Variants in CDH13 observed in about 807,000 individuals in gnomAD.
CDH13 encodes the protein cadherin 13.
CDH13 carries 24 observed loss-of-function variants against 63.8 expected under a neutral mutation model. The ratio of observed to expected loss-of-function variants is 0.38; its 90% CI spans 0.27 to 0.53. The LOEUF is 0.53. CDH13 is among the 20% of genes least tolerant of loss of function. CDH13 has a pLI of 0.85. For missense variants in CDH13, 1,049 were observed against 903.1 expected (o/e 1.16, Z -2.07); for synonymous variants, 503 against 355.3 (o/e 1.42, Z -4.67).
At chr16:83,653,797 T>C (rs577362419) in intron 8 of CDH13, among the ~76,000 whole-genome samples, 6 of 152,322 alleles carry the variant, frequency 3.9e-5, no homozygotes, top group South Asian at 2.1e-4. Flanking sequence ...CACTCCCACA[T>C]AGGGACAACA....
At chr16:82,703,854 G>A (rs998437544) in intron 1 of CDH13, among the ~76,000 whole-genome samples, 7 of 152,216 alleles carry the variant, frequency 4.6e-5, no homozygotes, top group East Asian at 3.9e-4. Context: ...TCAGAGCCCC[G>A]TCAGTGACAC....
intron 1 of CDH13, among the ~76,000 whole-genome samples, chr16:82,761,763 C>T (rs1178685038): frequency 3.3e-5 from 5 of 152,042 alleles, no homozygotes; most frequent in Non-Finnish European, 7.3e-5. Flanking sequence ...TTTTTGAGGG[C>T]TAAGAGTGAG....
At chr16:83,236,766 G>A (rs1396664673) in intron 5 of CDH13, among the ~76,000 whole-genome samples, 8 of 152,062 alleles carry the variant, frequency 5.3e-5, no homozygotes, top group African/African-American at 1.7e-4. Flanking sequence ...GCCATAAAAA[G>A]GAATAGAGTA....
At chr16:82,832,746 G>T (rs568143094) in intron 1 of CDH13, among the ~76,000 whole-genome samples, 1 of 152,256 alleles carries the variant, frequency 6.6e-6, no homozygotes, top group South Asian at 2.1e-4. Context: ...AGTCAGCCTG[G>T]TACAAATAAC....
At chr16:82,850,958 C>G (rs1017538810) in intron 1 of CDH13, among the ~76,000 whole-genome samples, 2 of 152,138 alleles carry the variant, frequency 1.3e-5, no homozygotes, top group Non-Finnish European at 2.9e-5. Context: ...CACTGGGAAG[C>G]CAAAAAGTTC....
At chr16:83,572,456 A>G (rs997115161) in intron 7 of CDH13, among the ~76,000 whole-genome samples, 30 of 152,058 alleles carry the variant, frequency 2.0e-4, no homozygotes, top group Admixed American at 1.5e-3. Flanking sequence ...TCCACTTTCT[A>G]AAACTCTCTT....
At chr16:83,283,417 C>A (rs921072313) in intron 5 of CDH13, among the ~76,000 whole-genome samples, 1 of 152,106 alleles carries the variant, frequency 6.6e-6, no homozygotes, top group Non-Finnish European at 1.5e-5. Context: ...ATGGTGAAAC[C>A]CTGTCTCTAC....
chr16:83,244,180 G>A (rs1455160033), intron 5 of CDH13, among the ~76,000 whole-genome samples: 1 of 151,908 alleles, frequency 6.6e-6, no homozygotes, highest in Non-Finnish European at 1.5e-5. Flanking sequence ...CTACAGCTCT[G>A]TTCTTTATTG....
intron 5 of CDH13, among the ~76,000 whole-genome samples, chr16:83,256,293 A>T (rs1355001344): frequency 6.6e-6 from 1 of 152,094 alleles, no homozygotes; most frequent in Non-Finnish European, 1.5e-5. Flanking sequence ...TCAGCCTCCC[A>T]AAGTGCTGGG....
chr16:82,748,302 T>C (rs772802425), intron 1 of CDH13, among the ~76,000 whole-genome samples: 23 of 152,208 alleles, frequency 1.5e-4, no homozygotes, highest in Non-Finnish European at 2.8e-4. Context: ...GAGGGCTTCA[T>C]TGCACATGGC....
At chr16:83,251,140 G>C (rs1021987217) in intron 5 of CDH13, among the ~76,000 whole-genome samples, 1 of 152,066 alleles carries the variant, frequency 6.6e-6, no homozygotes, top group Non-Finnish European at 1.5e-5. Context: ...TTGTATCCTA[G>C]TTGGGAAGTC....
Position 83,522,660 on chromosome 16 carries a change from G to A in CDH13, c.960+36005G>A, listed in dbSNP as rs115894547. On this transcript the variant is annotated intron_variant, in intron 7 of 13. Coordinates refer to ENST00000567109, the MANE Select transcript of CDH13 (RefSeq NM_001257.5). ...CAGTGGGTTCTTAAACACCTGCAGC[G>A]TCATTTCTCATCAGCAGGTGGGCGG... Among the ~76,000 whole-genome samples the A allele has an allele frequency of 4.3e-3, 661 of 152,312 alleles. 7 individuals are homozygous for A. Among genetic ancestry groups the A allele is most frequent in the African/African-American group, 0.015 (618 of 41,570 alleles).
intron 13 of CDH13, among the ~76,000 whole-genome samples, chr16:83,790,631 C>G (rs1916197780): frequency 6.6e-6 from 1 of 152,084 alleles, no homozygotes; most frequent in Non-Finnish European, 1.5e-5. Context: ...TCTCGATCTC[C>G]CGACCTCGTG....
intron 2 of CDH13, among the ~76,000 whole-genome samples, chr16:83,001,473 C>G (rs1912922732): frequency 6.6e-6 from 1 of 152,174 alleles, no homozygotes; most frequent in Non-Finnish European, 1.5e-5. Flanking sequence ...ATTCAAAATG[C>G]CATTGCTCAC....
At chr16:83,527,005 A>T (rs2074977048) in intron 7 of CDH13, among the ~76,000 whole-genome samples, 1 of 151,944 alleles carries the variant, frequency 6.6e-6, no homozygotes, top group Non-Finnish European at 1.5e-5. Flanking sequence ...GGTGGTGCGC[A>T]CCTGTAATCC....
At chr16:82,943,484 G>A (rs1023826941) in intron 2 of CDH13, among the ~76,000 whole-genome samples, 1 of 152,186 alleles carries the variant, frequency 6.6e-6, no homozygotes, top group Non-Finnish European at 1.5e-5. Context: ...ATGACAAAAG[G>A]TGTGATTATT....
At chr16:83,003,412 C>A (rs944519061) in intron 2 of CDH13, among the ~76,000 whole-genome samples, 1 of 151,126 alleles carries the variant, frequency 6.6e-6, no homozygotes, top group Non-Finnish European at 1.5e-5. Context: ...TTTTCTATCT[C>A]AAAAATCCAG....
chr16:83,258,865 C>G (rs1001010256), intron 5 of CDH13, among the ~76,000 whole-genome samples: 2 of 152,204 alleles, frequency 1.3e-5, no homozygotes, highest in African/African-American at 4.8e-5. Context: ...ACCTTTAGCT[C>G]ACCATCACAT....
At chr16:83,146,193 CA>C (rs749952847) in intron 4 of CDH13, among the ~76,000 whole-genome samples, 2,529 of 97,536 alleles carry the variant, frequency 0.026, 66 homozygotes, top group African/African-American at 0.089. Flanking sequence ...GACTCTGTCT[CA>C]AAAAAAAAAA....
Sources: gnomAD v4.1 joint callset for allele counts (sites outside exome capture counted in the v4.1 genomes callset) on GRCh38, gnomAD v4.1.1 for gene constraint, MANE v1.5 for transcripts, NCBI Gene and HGNC (gene_info 2026-07-23, HGNC 2026-07-21) for gene names.